GAD1: variants seen among roughly 807,000 people sequenced by gnomAD.
The protein encoded by GAD1 is glutamate decarboxylase 1.
A neutral mutation model predicts 75.2 loss-of-function variants in GAD1; 35 were observed. The ratio of observed to expected loss-of-function variants is 0.47; its 90% CI spans 0.36 to 0.62. The LOEUF is 0.62. Among genes scored for constraint, GAD1 ranks in the 20% least tolerant of loss-of-function variants. The pLI, the probability that GAD1 is intolerant of heterozygous loss-of-function variation, is 0.00. For missense variants in GAD1, 490 were observed against 758.5 expected (o/e 0.65, Z 4.16); for synonymous variants, 257 against 271.9 (o/e 0.95, Z 0.54).
chr2:170,832,692 A>G (rs1465524302), intron 5 of GAD1, among the ~76,000 whole-genome samples: 2 of 151,898 alleles, frequency 1.3e-5, no homozygotes, highest in Non-Finnish European at 2.9e-5. Context: ...ACACACACAC[A>G]CACATACACA....
chr2:170,850,881 G>A (rs1385499620), intron 12 of GAD1, among the ~76,000 whole-genome samples: 2 of 152,098 alleles, frequency 1.3e-5, no homozygotes, highest in African/African-American at 2.4e-5. Flanking sequence ...TGGCATGGTG[G>A]TGCACACCTG....
At chr2:170,851,958 C>T (rs932076600) in intron 12 of GAD1, among the ~76,000 whole-genome samples, 1 of 152,134 alleles carries the variant, frequency 6.6e-6, no homozygotes, top group Non-Finnish European at 1.5e-5. Flanking sequence ...TTAGGTGCCA[C>T]TCTTGATACT....
intron 10 of GAD1, 85 bp downstream of exon 10, chr2:170,846,148 A>G: frequency 1.8e-6 from 2 of 1,111,890 alleles, no homozygotes; most frequent in Non-Finnish European, 2.7e-6. Flanking sequence ...ATAATATGAG[A>G]CAATTTTCTT....
rs537550691 is a variant in GAD1 at position 170,843,105 on chromosome 2, A to C, written c.639-940A>C. ...AAAAACAAGAAAGACAAAAAGCCTC[A>C]GAGCTTAGTAAATATCTTTTTGTTT... is the stretch of plus-strand genomic sequence containing the variant. On this transcript the variant is annotated intron_variant, in intron 6 of 16. Coordinates refer to ENST00000358196, the MANE Select transcript of GAD1 (RefSeq NM_000817.3). 3.2e-4 allele frequency among the ~76,000 whole-genome samples: 48 copies of C among 152,366 alleles called. No homozygotes were observed. The Middle Eastern group carries it at 0.017, about 54-fold the overall frequency.
At chr2:170,849,503 G>A (rs912804236) in intron 12 of GAD1, among the ~76,000 whole-genome samples, 153 bp downstream of exon 12, 1 of 152,174 alleles carries the variant, frequency 6.6e-6, no homozygotes, top group Non-Finnish European at 1.5e-5. Flanking sequence ...GCATTTATTG[G>A]ATGACTGATT....
intron 6 of GAD1, among the ~76,000 whole-genome samples, chr2:170,842,371 G>A (rs77026458): frequency 2.0e-5 from 3 of 152,304 alleles, no homozygotes; most frequent in East Asian, 3.9e-4. Flanking sequence ...AGTACTGGGA[G>A]ATTCTAGCAC....
chr2:170,848,597 A>T (rs892831432), intron 11 of GAD1: 17 of 456,814 alleles, frequency 3.7e-5, no homozygotes, highest in Non-Finnish European at 6.1e-5. Context: ...CTTAATCCCA[A>T]ATCTTCCCAG....
At chr2:170,828,077 T>C (rs552327104) in intron 3 of GAD1, among the ~76,000 whole-genome samples, 9 of 30,942 alleles carry the variant, frequency 2.9e-4, no homozygotes, top group African/African-American at 1.2e-3. Flanking sequence ...GTCCTCCCTC[T>C]GCTGTCCTCA....
chr2:170,850,240 G>T (rs543047798), intron 12 of GAD1, among the ~76,000 whole-genome samples: 1 of 152,298 alleles, frequency 6.6e-6, no homozygotes, highest in African/African-American at 2.4e-5. Flanking sequence ...CAGTGGGCTA[G>T]ATGTTCATAA....
chr2:170,824,123 C>G (rs1330335092), intron 3 of GAD1, among the ~76,000 whole-genome samples: 1 of 152,190 alleles, frequency 6.6e-6, no homozygotes, highest in Admixed American at 6.5e-5. Context: ...GGCTACAGTC[C>G]TCAGAGAGTT....
At chr2:170,850,377 C>T (rs1293067151) in intron 12 of GAD1, among the ~76,000 whole-genome samples, 1 of 152,164 alleles carries the variant, frequency 6.6e-6, no homozygotes, top group Non-Finnish European at 1.5e-5. Context: ...TCAGCAGATA[C>T]TGCGATAAAG....
chr2:170,850,111 A>G (rs982197709), intron 12 of GAD1, among the ~76,000 whole-genome samples: 5 of 152,254 alleles, frequency 3.3e-5, no homozygotes, highest in African/African-American at 1.2e-4. Context: ...TGTGTCTTCC[A>G]TCCAGCCACC....
intron 5 of GAD1, among the ~76,000 whole-genome samples, chr2:170,835,725 T>C (rs1439451291): frequency 6.6e-6 from 1 of 152,232 alleles, no homozygotes; most frequent in Non-Finnish European, 1.5e-5. Flanking sequence ...GAAGTGTTAT[T>C]GTTAAAAGTT....
At position 170,844,040 on chromosome 2, in the gene GAD1, TC is replaced by T; in HGVS notation, c.639-3del. On this transcript the variant is annotated splice_region_variant and splice_polypyrimidine_tract_variant and intron_variant, in intron 6 of 16. Transcript: ENST00000358196. The stretch of plus-strand genomic sequence containing the variant: ...CTTTCATCCTTCTTCTTACCACCTT[TC>T]CAGGTTTACATATGAAATTGCACCA... 6.7e-7 allele frequency: 1 copy of T among 1,484,438 alleles called. No homozygotes were observed. The highest frequency in any genetic ancestry group is 9.4e-7 in the Non-Finnish European group (1 of 1,061,826). The allele number at this position is 1,484,438 out of a possible 1,614,324, so 92.0% of individuals were successfully genotyped here.
upstream of GAD1, among the ~76,000 whole-genome samples, chr2:170,815,201 T>A (rs3791880): frequency 0.021 from 3,193 of 152,148 alleles, 233 homozygotes; most frequent in East Asian, 0.27. Flanking sequence ...GGTTGAGTGG[T>A]TTGGGGGGAC....
intron 5 of GAD1, among the ~76,000 whole-genome samples, chr2:170,836,372 G>A (rs1478807186): frequency 3.3e-5 from 5 of 152,126 alleles, no homozygotes; most frequent in Non-Finnish European, 5.9e-5. Context: ...TTAGAGTTAC[G>A]TAGCAAAAGC....
intron 12 of GAD1, 132 bp downstream of exon 12, chr2:170,849,482 G>A (rs1421775224): frequency 2.4e-6 from 2 of 816,696 alleles, no homozygotes; most frequent in Non-Finnish European, 4.2e-6. Flanking sequence ...AGTTCAGCAG[G>A]CATTTGTTGA....
rs114608226 is a variant in GAD1 at position 170,822,470 on chromosome 2, G to T, written c.145+321G>T. Reference sequence around the variant, plus strand: ...GCGGCAACCCCGCCTTCCTAGCCCTGCGCGCAAGCAGCTCCCACCCGGTGC... The same window carrying T: ...GCGGCAACCCCGCCTTCCTAGCCCTTCGCGCAAGCAGCTCCCACCCGGTGC... On this transcript the variant is annotated intron_variant, in intron 3 of 16. Transcript: ENST00000358196. Among the ~76,000 whole-genome samples, 260 of 152,344 alleles carry T rather than the reference G, an allele frequency of 1.7e-3. 2 individuals are homozygous for T. The highest frequency in any genetic ancestry group is 5.8e-3 in the African/African-American group (243 of 41,598).
chr2:170,841,578 A>G (rs1030172972), intron 6 of GAD1, among the ~76,000 whole-genome samples: 4 of 152,244 alleles, frequency 2.6e-5, no homozygotes, highest in African/African-American at 7.2e-5. Flanking sequence ...AGAAATTTTT[A>G]AAAACTGCTT....
Sources: gnomAD v4.1 joint callset for allele counts (sites outside exome capture counted in the v4.1 genomes callset) on GRCh38, gnomAD v4.1.1 for gene constraint, MANE v1.5 for transcripts, NCBI Gene and HGNC (gene_info 2026-07-23, HGNC 2026-07-21) for gene names.